CDH22: variants seen among roughly 807,000 people sequenced by gnomAD.
CDH22 encodes cadherin 22.
CDH22 carries 30 observed loss-of-function variants against 58.4 expected under a neutral mutation model. That is an observed-to-expected ratio of 0.51 (90% confidence interval 0.38 to 0.70). The LOEUF is 0.70. Ranked by LOEUF, CDH22 falls within the 30% of genes least tolerant of loss-of-function variation. The pLI, the probability that CDH22 is intolerant of heterozygous loss-of-function variation, is 0.00. For missense variants in CDH22, 1,014 were observed against 1,233.9 expected (o/e 0.82, Z 2.67); for synonymous variants, 513 against 558.2 (o/e 0.92, Z 1.14).
intron 10 of CDH22, among the ~76,000 whole-genome samples, chr20:46,178,580 C>T (rs983443607): frequency 1.8e-5 from 2 of 113,724 alleles, no homozygotes; most frequent in African/African-American, 6.8e-5. Context: ...CTGTCCCTGG[C>T]GTTGTCTTTT....
At position 46,213,070 on chromosome 20, in the gene CDH22, C is replaced by T. The variant is rs370232478; in HGVS notation, c.957G>A (p.Glu319=). The part of the protein sequence containing the change: ...NTDMTYHLKD[E]SSSGGDVFKV... ...TGAACACATCGCCGCCGCTGCTGCT[C>T]TCGTCCTTAAGGTGGTAAGTCATGT... is the stretch of plus-strand genomic sequence containing the variant. Residue 319 remains glutamate, a synonymous_variant, in exon 6 of 12, where the codon GAG becomes GAA. Coordinates refer to ENST00000537909, the MANE Select transcript of CDH22 (RefSeq NM_021248.3). The T allele has an allele frequency of 6.8e-6, 11 of 1,614,094 alleles. No homozygotes were observed. The highest frequency in any genetic ancestry group is 1.3e-5 in the African/African-American group (1 of 74,924).
intron 1 of CDH22, among the ~76,000 whole-genome samples, chr20:46,277,426 G>A (rs991242638): frequency 1.8e-4 from 28 of 152,188 alleles, no homozygotes; most frequent in Non-Finnish European, 2.2e-4. Context: ...CACACACCAC[G>A]TCTATTTTTG....
rs552008171 is a variant in CDH22 at position 46,198,150 on chromosome 20, G to A, written c.1423+1273C>T. On this transcript the variant is annotated intron_variant, in intron 8 of 11. Transcript: ENST00000537909. The stretch of plus-strand genomic sequence containing the variant: ...CAGTGTTGCTCTGGGCATGGAGGAA[G>A]CCCAAGGGCACTCCCCCTGGCCTCT... Among the ~76,000 whole-genome samples the A allele has an allele frequency of 6.1e-4, 93 of 152,090 alleles. 1 individual carries two copies. The highest frequency in any genetic ancestry group is 5.8e-3 in the Admixed American group (89 of 15,266).
chr20:46,248,975 G>A (rs1487347049), intron 2 of CDH22, among the ~76,000 whole-genome samples: 1 of 152,158 alleles, frequency 6.6e-6, no homozygotes, highest in Non-Finnish European at 1.5e-5. Flanking sequence ...GCAGTTTAAG[G>A]GTTAAGTACT....
At chr20:46,231,003 G>C (rs1287870082) in intron 3 of CDH22, among the ~76,000 whole-genome samples, 2 of 152,192 alleles carry the variant, frequency 1.3e-5, no homozygotes, top group African/African-American at 4.8e-5. Context: ...CAGAGAGAGG[G>C]AGGACTCAGA....
intron 10 of CDH22, among the ~76,000 whole-genome samples, chr20:46,184,860 C>A (rs1173121165): frequency 6.6e-6 from 1 of 152,112 alleles, no homozygotes; most frequent in East Asian, 1.9e-4. Flanking sequence ...CCGAGGCGGG[C>A]AGATCACCTG....
At chr20:46,226,835 T>C (rs1600706049) in intron 4 of CDH22, among the ~76,000 whole-genome samples, 1 of 152,296 alleles carries the variant, frequency 6.6e-6, no homozygotes, top group East Asian at 1.9e-4. Context: ...GTGAGTCACT[T>C]CACCTCTCTG....
chr20:46,193,214 G>A (rs1242759918), intron 8 of CDH22, among the ~76,000 whole-genome samples: 3 of 152,130 alleles, frequency 2.0e-5, no homozygotes, highest in Non-Finnish European at 2.9e-5. Context: ...TCCCCTTGGG[G>A]TCCGTTAGGG....
chr20:46,254,326 A>T (rs149041640), intron 1 of CDH22, among the ~76,000 whole-genome samples: 1,558 of 152,224 alleles, frequency 0.01, 22 homozygotes, highest in African/African-American at 0.035. Flanking sequence ...AGGCCGAGGC[A>T]GGTGGATCAC....
intron 7 of CDH22, among the ~76,000 whole-genome samples, chr20:46,202,224 G>A (rs2085966431): frequency 6.6e-6 from 1 of 152,082 alleles, no homozygotes; most frequent in Non-Finnish European, 1.5e-5. Flanking sequence ...AGTATCAAAG[G>A]GGGGCCTGTT....
chr20:46,190,253 C>T (rs947583753), intron 8 of CDH22, among the ~76,000 whole-genome samples: 1 of 152,230 alleles, frequency 6.6e-6, no homozygotes, highest in Non-Finnish European at 1.5e-5. Flanking sequence ...TTGAAGAAGG[C>T]CTTGTTAAAC....
chr20:46,217,192 A>C lies in CDH22; in HGVS notation c.671-199T>G, dbSNP rs111847800. Among the ~76,000 whole-genome samples the C allele has an allele frequency of 6.4e-3, 973 of 151,174 alleles. 12 individuals are homozygous for C. Among genetic ancestry groups the C allele is most frequent in the African/African-American group, 0.022 (905 of 40,496 alleles). On this transcript the variant is annotated intron_variant, in intron 4 of 11. Transcript: ENST00000537909. ...ACACCACACACACTCACACACGCTCATACAGATACAGATACACATGCCCAC... is the reference window on the plus strand; with the variant it reads ...ACACCACACACACTCACACACGCTCCTACAGATACAGATACACATGCCCAC...
At chr20:46,238,043 G>T (rs1223160620) in intron 3 of CDH22, among the ~76,000 whole-genome samples, 1 of 152,082 alleles carries the variant, frequency 6.6e-6, no homozygotes, top group East Asian at 1.9e-4. Flanking sequence ...CTCTTCCCCT[G>T]GCACCTCCCC....
rs548559892 is a variant in CDH22, at chr20:46,241,706, C to A, written c.256-449G>T. 6.6e-6 allele frequency among the ~76,000 whole-genome samples: 1 copy of A among 151,736 alleles called. No homozygotes were observed. The highest frequency in any genetic ancestry group is 1.5e-5 in the Non-Finnish European group (1 of 67,770). ...CTGCAAAGTGCAACAAAAATGCCAC[C>A]TCTTTCAGAAAGCTTTTCTGGATCC... On this transcript the variant is annotated intron_variant, in intron 2 of 11. Transcript: ENST00000537909. The surrounding 1 kb of genome is among the most constrained non-coding windows in gnomAD (Gnocchi z 5.2).
intron 8 of CDH22, among the ~76,000 whole-genome samples, chr20:46,198,592 T>TGCA: frequency 6.6e-6 from 1 of 152,288 alleles, no homozygotes; most frequent in South Asian, 2.1e-4. Context: ...CTCTTCTCAA[T>TGCA]GCAGCTGCCA....
intron 1 of CDH22, among the ~76,000 whole-genome samples, chr20:46,305,538 A>G (rs1017022632): frequency 2.0e-5 from 3 of 152,174 alleles, no homozygotes; most frequent in Admixed American, 1.3e-4. Context: ...CCGGGGCCTC[A>G]GCCCAGACAC....
At chr20:46,256,258 G>A (rs2086406140) in intron 1 of CDH22, among the ~76,000 whole-genome samples, 1 of 152,258 alleles carries the variant, frequency 6.6e-6, no homozygotes, top group Admixed American at 6.5e-5. Flanking sequence ...ACAATGGCAA[G>A]TGCAGTGGAG....
chr20:46,255,696 A>T (rs933974140), intron 1 of CDH22, among the ~76,000 whole-genome samples: 9 of 152,090 alleles, frequency 5.9e-5, no homozygotes, highest in African/African-American at 2.2e-4. Flanking sequence ...GCTGCCACAG[A>T]CATGTCGGCC....
intron 1 of CDH22, among the ~76,000 whole-genome samples, chr20:46,306,035 CT>C (rs2086675136): frequency 6.6e-6 from 1 of 152,268 alleles, no homozygotes; most frequent in African/African-American, 2.4e-5. Flanking sequence ...TCACAACACA[CT>C]TTTAGGGGCC....
Sources: allele counts gnomAD v4.1 joint callset (sites outside exome capture counted in the v4.1 genomes callset), GRCh38; gene constraint gnomAD v4.1.1; non-coding constraint Gnocchi (gnomAD v3.1); transcripts MANE v1.5; gene names NCBI Gene and HGNC (gene_info 2026-07-23, HGNC 2026-07-21).